Variants in PCDHGA2 observed in about 807,000 individuals in gnomAD.
PCDHGA2 encodes protocadherin gamma subfamily A, 2.
Under a neutral mutation model 59.2 loss-of-function variants are expected in PCDHGA2, and 40 were observed. The observed-to-expected ratio is 0.68, with a 90% CI of 0.52 to 0.88. The LOEUF is 0.88. Ranked by LOEUF, PCDHGA2 falls within the 40% of genes least tolerant of loss-of-function variation. The probability of loss-of-function intolerance (pLI) is 0.00; values close to 1 mark genes in which losing one functional copy is unlikely to be tolerated. For synonymous variants in PCDHGA2, 560 were observed against 526.0 expected (o/e 1.06, Z -0.89); for missense variants, 1,226 against 1,204.0 (o/e 1.02, Z -0.27).
At chr5:141,346,319 C>T (rs745940898) in intron 1 of PCDHGA2, 5 of 1,614,222 alleles carry the variant, frequency 3.1e-6, no homozygotes, top group Non-Finnish European at 4.2e-6. Context: ...TCACTGCGGA[C>T]TCGCGGAAGA....
intron 1 of PCDHGA2, among the ~76,000 whole-genome samples, chr5:141,406,715 A>G (rs2094843333): frequency 6.6e-6 from 1 of 152,252 alleles, no homozygotes; most frequent in Non-Finnish European, 1.5e-5. Flanking sequence ...CTTGCTCAAG[A>G]GAAGTTTCTA....
chr5:141,407,656 C>T (rs1333500318), intron 1 of PCDHGA2, among the ~76,000 whole-genome samples: 1 of 151,756 alleles, frequency 6.6e-6, no homozygotes, highest in Admixed American at 6.6e-5. Flanking sequence ...TGGGGGAGCG[C>T]AGTATATATT....
Position 141,338,768 on chromosome 5 carries a change from A to T in PCDHGA2, c.-204A>T. The T allele has an allele frequency of 2.4e-6, 3 of 1,274,068 alleles. No homozygotes were observed. The South Asian group carries it at 9.1e-5, about 39-fold the overall frequency. The allele number at this position is 1,274,068 out of a possible 1,614,324, so 78.9% of individuals were successfully genotyped here. ...AAGGCAGCGAGACATCCAATCCAGC[A>T]ATACGGCTCCCACAGCACAAGGGGG... On this transcript the variant is annotated 5_prime_UTR_variant, in exon 1 of 4. Transcript: ENST00000394576.
At chr5:141,358,695 A>G (rs956417797) in intron 1 of PCDHGA2, among the ~76,000 whole-genome samples, 2 of 152,206 alleles carry the variant, frequency 1.3e-5, no homozygotes, top group African/African-American at 2.4e-5. Context: ...TGACATCACT[A>G]TTGAGACTTT....
rs776677714 is a variant in PCDHGA2 at position 141,419,329 on chromosome 5, T to C, written c.2425-75478T>C. The C allele has an allele frequency of 7.4e-6, 12 of 1,613,842 alleles. 2 individuals carry two copies. The South Asian group carries it at 1.3e-4, about 18-fold the overall frequency. On this transcript the variant is annotated intron_variant, in intron 1 of 3. Coordinates refer to ENST00000394576, the MANE Select transcript of PCDHGA2 (RefSeq NM_018915.4). The stretch of plus-strand genomic sequence containing the variant: ...GGCTCAACGGCCGTGTCTCCTACTC[T>C]CTCATTGCCAGCGACCTGGAGTCAC...
chr5:141,408,013 CCA>C, intron 1 of PCDHGA2: 1 of 989,288 alleles, frequency 1.0e-6, no homozygotes, highest in Non-Finnish European at 1.4e-6. Flanking sequence ...CCCTGCGCAG[CCA>C]ACAACAGAAA....
At position 141,340,878 on chromosome 5, in the gene PCDHGA2, A is replaced by T; in HGVS notation, c.1907A>T (p.Asp636Val). 1 of 1,613,470 alleles carries T rather than the reference A, an allele frequency of 6.2e-7. No individual in the cohort carries two copies. Residue 636 changes from aspartate (D) to valine (V), a missense_variant, in exon 1 of 4, where the codon GAC (aspartate) becomes GTC (valine). Asp to Val is a radical substitution (Grantham distance 152, BLOSUM62 -3). Coordinates refer to ENST00000394576, the MANE Select transcript of PCDHGA2 (RefSeq NM_018915.4). ...ACGGCGCGAGCCCTGCTGGACAGAGACGCGCTCAAGCAGAGCCTCGTGGTG... is the reference window on the plus strand; with the variant it reads ...ACGGCGCGAGCCCTGCTGGACAGAGTCGCGCTCAAGCAGAGCCTCGTGGTG... ...VRTARALLDRDALKQSLVVAI... is the reference protein window; with the variant it reads ...VRTARALLDRVALKQSLVVAI...
intron 2 of PCDHGA2, among the ~76,000 whole-genome samples, chr5:141,499,115 C>G (rs940275925): frequency 6.6e-6 from 1 of 152,124 alleles, no homozygotes; most frequent in Non-Finnish European, 1.5e-5. Flanking sequence ...CACCACTATC[C>G]CTTCTCAGGT....
At chr5:141,353,118 T>G (rs1281945055) in intron 1 of PCDHGA2, among the ~76,000 whole-genome samples, 2 of 152,234 alleles carry the variant, frequency 1.3e-5, no homozygotes, top group Admixed American at 6.5e-5. Flanking sequence ...GAGATTGCTT[T>G]CTTGATTGCT....
chr5:141,457,902 G>A (rs1219261409), intron 1 of PCDHGA2, among the ~76,000 whole-genome samples: 1 of 150,854 alleles, frequency 6.6e-6, no homozygotes, highest in Non-Finnish European at 1.5e-5. Flanking sequence ...GTGTAGACAA[G>A]GTGTGAGGCC....
intron 3 of PCDHGA2, among the ~76,000 whole-genome samples, chr5:141,505,926 G>A (rs114056147): frequency 0.012 from 1,893 of 152,254 alleles, 12 homozygotes; most frequent in Middle Eastern, 0.034. Context: ...TGGGCCTGGC[G>A]CTTGGAAGCC....
chr5:141,421,515 C>A, intron 1 of PCDHGA2: 3 of 1,614,080 alleles, frequency 1.9e-6, no homozygotes, highest in Non-Finnish European at 2.5e-6. Context: ...GGGAGGAGCT[C>A]TGTGAGACGG....
intron 1 of PCDHGA2, among the ~76,000 whole-genome samples, chr5:141,470,694 ATAATTT>A (rs2099236876): frequency 6.6e-6 from 1 of 151,978 alleles, no homozygotes; most frequent in African/African-American, 2.4e-5. Context: ...GAAATTCTTA[ATAATTT>A]TTATTTTATT....
chr5:141,343,797 C>T, intron 1 of PCDHGA2: 1 of 449,814 alleles, frequency 2.2e-6, no homozygotes, highest in Non-Finnish European at 3.9e-6. Flanking sequence ...GTTGACCACT[C>T]AAGAAGGAGA....
intron 1 of PCDHGA2, chr5:141,402,987 G>GATTA: frequency 6.2e-7 from 1 of 1,611,924 alleles, no homozygotes; most frequent in Non-Finnish European, 8.5e-7. Flanking sequence ...CTCCGCGGAA[G>GATTA]ATTAGTCCTG....
chr5:141,422,370 T>G (rs2096643676), intron 1 of PCDHGA2: 1 of 1,566,604 alleles, frequency 6.4e-7, no homozygotes, highest in African/African-American at 1.4e-5. Flanking sequence ...GAGAAAATGG[T>G]CAAGTCTCCT....
At chr5:141,402,737 G>C (rs948478466) in intron 1 of PCDHGA2, among the ~76,000 whole-genome samples, 7 of 152,158 alleles carry the variant, frequency 4.6e-5, no homozygotes, top group African/African-American at 1.4e-4. Flanking sequence ...CGCCGCTGTT[G>C]ATCAACTCTA....
chr5:141,485,362 G>T lies in PCDHGA2; in HGVS notation c.2425-9445G>T. 6.2e-7 allele frequency: 1 copy of T among 1,614,144 alleles called. No individual in the cohort carries two copies. ...ATACGGACAGTCTGTCAGCTCGCAG[G>T]CTGCAGGTCGCTGGAGAGGTGAACC... is the stretch of plus-strand genomic sequence containing the variant. On this transcript the variant is annotated intron_variant, in intron 1 of 3. Coordinates refer to ENST00000394576, the MANE Select transcript of PCDHGA2 (RefSeq NM_018915.4). The surrounding 1 kb of genome is among the most constrained non-coding windows in gnomAD (Gnocchi z 5.7).
Position 141,364,472 on chromosome 5 carries a change from A to C in PCDHGA2, c.2424+23077A>C, listed in dbSNP as rs375080558. On this transcript the variant is annotated intron_variant, in intron 1 of 3. Transcript: ENST00000394576. ...GGACAAAGGCTCCTTCGTCGGCAAC[A>C]TAGCCAAGGACCTTGGGCTGGAGCC... The C allele has an allele frequency of 6.8e-6, 11 of 1,614,038 alleles. 1 individual carries two copies. Among genetic ancestry groups the C allele is most frequent in the Middle Eastern group, 1.7e-4 (1 of 6,056 alleles).
Sources: allele counts gnomAD v4.1 joint callset (sites outside exome capture counted in the v4.1 genomes callset), GRCh38; gene constraint gnomAD v4.1.1; non-coding constraint Gnocchi (gnomAD v3.1); transcripts MANE v1.5; gene names NCBI Gene and HGNC (gene_info 2026-07-23, HGNC 2026-07-21).